The following PDE5A variants were observed in gnomAD, a reference collection of about 807,000 sequenced individuals.
The protein encoded by PDE5A is cGMP-specific 3',5'-cyclic phosphodiesterase.
A neutral mutation model predicts 110.2 loss-of-function variants in PDE5A; 67 were observed. The ratio of observed to expected loss-of-function variants is 0.61; its 90% CI spans 0.50 to 0.75. PDE5A has a LOEUF of 0.75. Among genes scored for constraint, PDE5A ranks in the 30% least tolerant of loss-of-function variants. PDE5A has a pLI of 0.00. For synonymous variants in PDE5A, 328 were observed against 351.2 expected, an observed-to-expected ratio of 0.93 and a Z score of 0.74; for missense variants, 862 against 1,045.1, an observed-to-expected ratio of 0.82 and a Z score of 2.42.
chr4:119,592,274 T>C (rs1350480326), intron 3 of PDE5A, among the ~76,000 whole-genome samples: 1 of 146,774 alleles, frequency 6.8e-6, no homozygotes, highest in East Asian at 2.0e-4. Context: ...GCTAACACGG[T>C]GAAACCCTGT....
Position 119,627,001 on chromosome 4 carries a change from G to T in PDE5A, c.152+1519C>A. On this transcript the variant is annotated intron_variant, in intron 1 of 20. Coordinates refer to ENST00000354960, the MANE Select transcript of PDE5A (RefSeq NM_001083.4). The surrounding 1 kb of genome is among the most constrained non-coding windows in gnomAD (Gnocchi z 4.6). The stretch of plus-strand genomic sequence containing the variant: ...ATTAATACATCTGCAAGAGAGCAAA[G>T]AATAACAACAACAACAAAAGTTATA... The T allele has an allele frequency of 2.5e-6, 2 of 798,900 alleles. No individual in the cohort carries two copies. Among genetic ancestry groups the T allele is most frequent in the South Asian group, 3.7e-5 (2 of 54,314 alleles). 49.5% of individuals were successfully genotyped at this position (798,900 alleles called of 1,614,324 possible).
chr4:119,500,262 GTTTTTTT>G (rs34580725), intron 20 of PDE5A: 49 of 140,134 alleles, frequency 3.5e-4, no homozygotes, highest in African/African-American at 1.3e-3. Context: ...ATGACACCTA[GTTTTTTT>G]TTTTTTTTTT....
At chr4:119,515,653 C>T (rs1010702295) in intron 14 of PDE5A, among the ~76,000 whole-genome samples, 3 of 152,084 alleles carry the variant, frequency 2.0e-5, no homozygotes, top group African/African-American at 4.8e-5. Context: ...ATCACTGTTC[C>T]AGTTTCTTGG....
chr4:119,515,194 A>G (rs1049482140), intron 14 of PDE5A, among the ~76,000 whole-genome samples: 3 of 152,146 alleles, frequency 2.0e-5, no homozygotes, highest in African/African-American at 4.8e-5. Context: ...AAGATCTCCA[A>G]CCTGACCAGA....
chr4:119,622,032 G>A (rs1730165108), intron 1 of PDE5A, among the ~76,000 whole-genome samples: 1 of 152,042 alleles, frequency 6.6e-6, no homozygotes, highest in South Asian at 2.1e-4. Flanking sequence ...ACATTAGCCA[G>A]GCATGGTGGT....
chr4:119,524,124 AATAG>A (rs1246118468), intron 12 of PDE5A, among the ~76,000 whole-genome samples: 2 of 152,146 alleles, frequency 1.3e-5, no homozygotes, highest in African/African-American at 4.8e-5. Context: ...CATGCATACA[AATAG>A]ATAATCACAG....
intron 7 of PDE5A, 76 bp downstream of exon 7, chr4:119,560,220 C>T: frequency 1.2e-6 from 1 of 803,652 alleles, no homozygotes; most frequent in Non-Finnish European, 2.0e-6. Context: ...TTTCTTAAAT[C>T]AAACTGGTCA....
chr4:119,565,276 T>A (rs756473902), intron 5 of PDE5A, 45 bp downstream of exon 5: 1 of 1,339,494 alleles, frequency 7.5e-7, no homozygotes, highest in Non-Finnish European at 1.1e-6. Flanking sequence ...ATGTAACAAT[T>A]TTTAAAAAGT....
chr4:119,592,987 T>C (rs1729031958), intron 3 of PDE5A, among the ~76,000 whole-genome samples: 1 of 122,706 alleles, frequency 8.1e-6, no homozygotes, highest in African/African-American at 2.9e-5. Context: ...AGGCAGCAGG[T>C]CCTTGGCTAA....
chr4:119,600,047 G>C (rs2110541125), intron 2 of PDE5A, among the ~76,000 whole-genome samples: 1 of 152,118 alleles, frequency 6.6e-6, no homozygotes, highest in Non-Finnish European at 1.5e-5. Flanking sequence ...CAAAATAAAG[G>C]CATTTTCAGA....
chr4:119,531,063 T>C (rs1322473697), intron 11 of PDE5A, among the ~76,000 whole-genome samples: 3 of 152,190 alleles, frequency 2.0e-5, no homozygotes, highest in African/African-American at 2.4e-5. Flanking sequence ...GAGAAAGCAG[T>C]GACCAAAAAG....
intron 7 of PDE5A, among the ~76,000 whole-genome samples, chr4:119,559,182 A>AAT (rs1280161600): frequency 1.3e-5 from 2 of 151,990 alleles, no homozygotes; most frequent in African/African-American, 2.4e-5. Context: ...TTTAGAAACA[A>AAT]ATATATATAT....
intron 15 of PDE5A, among the ~76,000 whole-genome samples, chr4:119,508,414 A>G (rs776106317): frequency 5.9e-5 from 9 of 152,022 alleles, no homozygotes; most frequent in Non-Finnish European, 1.0e-4. Context: ...CAGACCATGC[A>G]CTCAGAATAC....
chr4:119,498,415 C>CA lies in PDE5A; in HGVS notation c.*185dup, dbSNP rs1189859167. 1.0e-5 allele frequency: 6 copies of CA among 583,084 alleles called. No homozygotes were observed. Among genetic ancestry groups the CA allele is most frequent in the Non-Finnish European group, 1.8e-5 (6 of 337,086 alleles). 36.1% of individuals were successfully genotyped at this position (583,084 alleles called of 1,614,324 possible). A position where few individuals can be genotyped will look rare whatever the true frequency, so the allele number is the denominator to read the frequency against. On this transcript the variant is annotated 3_prime_UTR_variant, in exon 21 of 21. Transcript: ENST00000354960. Reference sequence around the variant, plus strand: ...AGTTCAGTAGCATAAAACAAATATACAAAAAATATGTAATAGTCCTCTAAA... The same window carrying CA: ...AGTTCAGTAGCATAAAACAAATATACAAAAAAATATGTAATAGTCCTCTAAA...
At position 119,578,977 on chromosome 4, in the gene PDE5A, C is replaced by T. The variant is rs915526147; in HGVS notation, c.832-11833G>A. Among the ~76,000 whole-genome samples the T allele has an allele frequency of 2.6e-5, 4 of 151,930 alleles. No homozygotes were observed. In the East Asian group the frequency reaches 5.8e-4, roughly 22 times the overall value. ...TAATATCCAGAATCTACAAAGAACT[C>T]AAACAAATTTACAAGAAAAAAACAA... On this transcript the variant is annotated intron_variant, in intron 3 of 20. Coordinates refer to ENST00000354960, the MANE Select transcript of PDE5A (RefSeq NM_001083.4).
At chr4:119,590,566 C>A (rs952163503) in intron 3 of PDE5A, among the ~76,000 whole-genome samples, 1 of 152,112 alleles carries the variant, frequency 6.6e-6, no homozygotes, top group Non-Finnish European at 1.5e-5. Context: ...AAAAACTTAA[C>A]CTCTATGATT....
At chr4:119,570,499 A>G (rs760328121) in intron 3 of PDE5A, among the ~76,000 whole-genome samples, 1 of 152,174 alleles carries the variant, frequency 6.6e-6, no homozygotes. Context: ...TACTGGCACT[A>G]TGCACAGCAC....
rs752263303 is a variant in PDE5A at position 119,628,627 on chromosome 4, C to G, written c.45G>C (p.Gln15His). 1 of 1,613,956 alleles carries G rather than the reference C, an allele frequency of 6.2e-7. No homozygotes were observed. The highest frequency in any genetic ancestry group is 1.7e-5 in the Admixed American group (1 of 60,000). Reference protein sequence around the residue: ...GPSFGQQRQQQQPQQQKQQQR... With the variant: ...GPSFGQQRQQHQPQQQKQQQR... ...GCTGCTGCTTCTGCTGCTGGGGCTG[C>G]TGCTGCTGTCGCTGCTGCCCGAAGC... The change falls in exon 1 of 21, where the codon CAG (glutamine) becomes CAC (histidine). Residue 15 changes from glutamine to histidine, a missense_variant. Coordinates refer to ENST00000354960, the MANE Select transcript of PDE5A (RefSeq NM_001083.4).
At chr4:119,595,653 T>C (rs955368494) in intron 3 of PDE5A, among the ~76,000 whole-genome samples, 1 of 152,208 alleles carries the variant, frequency 6.6e-6, no homozygotes. Flanking sequence ...CCTTGGATTC[T>C]AGGACTCACA....
Sources: gnomAD v4.1 joint callset for allele counts (sites outside exome capture counted in the v4.1 genomes callset) on GRCh38, gnomAD v4.1.1 for gene constraint, Gnocchi (gnomAD v3.1) non-coding constraint, MANE v1.5 for transcripts, NCBI Gene and HGNC (gene_info 2026-07-23, HGNC 2026-07-21) for gene names.